RNF220: variants seen among roughly 807,000 people sequenced by gnomAD.
RNF220 encodes the protein ring finger protein 220.
Under a neutral mutation model 67.1 loss-of-function variants are expected in RNF220, and 7 were observed. The observed-to-expected ratio is 0.10, with a 90% CI of 0.06 to 0.20. RNF220 has a LOEUF of 0.20. Among genes scored for constraint, RNF220 ranks in the 10% least tolerant of loss-of-function variants. The pLI is 1.00. For synonymous variants in RNF220, 270 were observed against 283.2 expected (o/e 0.95, Z 0.47); for missense variants, 565 against 740.3 (o/e 0.76, Z 2.75).
intron 2 of RNF220, among the ~76,000 whole-genome samples, chr1:44,610,887 G>A (rs919137525): frequency 1.3e-5 from 2 of 152,148 alleles, no homozygotes; most frequent in East Asian, 1.9e-4. Context: ...CAGCCCCCTC[G>A]TCTTGGCCAT....
chr1:44,651,050 G>A lies in RNF220; in HGVS notation c.*275G>A, dbSNP rs1644775982. On this transcript the variant is annotated 3_prime_UTR_variant, in exon 15 of 15. Transcript: ENST00000361799. ...TCCCAGGGTGGGGCAGGGAGGTGGG[G>A]GTTGGGGGAGTAGTGGGGCACGGCT... 2 of 489,028 alleles carry A rather than the reference G, an allele frequency of 4.1e-6. No individual in the cohort carries two copies. The highest frequency in any genetic ancestry group is 7.6e-6 in the Non-Finnish European group (2 of 263,984). The allele number at this position is 489,028 out of a possible 1,614,324, so 30.3% of individuals were successfully genotyped here.
intron 8 of RNF220, among the ~76,000 whole-genome samples, chr1:44,641,634 T>G (rs1422733379): frequency 2.0e-5 from 3 of 152,226 alleles, no homozygotes; most frequent in Non-Finnish European, 4.4e-5. Flanking sequence ...GCCGTTTCTT[T>G]TTATTATGAT....
chr1:44,584,759 C>T lies in RNF220; in HGVS notation c.626-29406C>T, dbSNP rs187632302. On this transcript the variant is annotated intron_variant, in intron 2 of 14. Coordinates refer to ENST00000361799, the MANE Select transcript of RNF220 (RefSeq NM_018150.4). ...TGTCGCCTAGGCTGGAGTGCAGTGGCGCCATCTCAGCTCGCTGCAACCTCT... is the reference window on the plus strand; with the variant it reads ...TGTCGCCTAGGCTGGAGTGCAGTGGTGCCATCTCAGCTCGCTGCAACCTCT... Among the ~76,000 whole-genome samples the T allele has an allele frequency of 2.6e-4, 39 of 152,302 alleles. 1 individual carries two copies. In the South Asian group the frequency reaches 6.0e-3, roughly 23 times the overall value.
intron 2 of RNF220, among the ~76,000 whole-genome samples, chr1:44,465,617 T>G (rs1359105177): frequency 6.6e-6 from 1 of 152,104 alleles, no homozygotes; most frequent in Non-Finnish European, 1.5e-5. Context: ...TCAAAAAGGT[T>G]TTAATAGTGC....
intron 2 of RNF220, among the ~76,000 whole-genome samples, chr1:44,487,752 C>T (rs950205009): frequency 6.7e-6 from 1 of 149,696 alleles, no homozygotes; most frequent in African/African-American, 2.4e-5. Context: ...TGGTGGCACA[C>T]ACCTGTAATC....
chr1:44,540,198 C>G (rs1295460897), intron 2 of RNF220, among the ~76,000 whole-genome samples: 2 of 152,164 alleles, frequency 1.3e-5, no homozygotes, highest in African/African-American at 2.4e-5. Flanking sequence ...AACCACTGCC[C>G]ACATCTCTTC....
At chr1:44,616,588 A>G (rs1474973536) in intron 3 of RNF220, among the ~76,000 whole-genome samples, 2 of 151,896 alleles carry the variant, frequency 1.3e-5, no homozygotes, top group Non-Finnish European at 1.5e-5. Context: ...ATCACTCCCC[A>G]TCCCTACCCC....
rs111400239 is a variant in RNF220 at position 44,486,558 on chromosome 1, C to T, written c.625+73836C>T. The stretch of plus-strand genomic sequence containing the variant: ...TCTATGGACCCAGGGCCAAATAAAT[C>T]AGGCTGGTTTTTTATCAAAATGGTT... On this transcript the variant is annotated intron_variant, in intron 2 of 14. Transcript: ENST00000361799. Among the ~76,000 whole-genome samples the T allele has an allele frequency of 2.1e-3, 321 of 152,276 alleles. 3 individuals are homozygous for T. The highest frequency in any genetic ancestry group is 7.4e-3 in the African/African-American group (306 of 41,546).
chr1:44,433,883 G>C (rs986811805), intron 2 of RNF220, among the ~76,000 whole-genome samples: 1 of 152,126 alleles, frequency 6.6e-6, no homozygotes, highest in South Asian at 2.1e-4. Context: ...TATTGCTTGA[G>C]CCTGGGAGGC....
chr1:44,517,279 C>T (rs1572742496), intron 2 of RNF220, among the ~76,000 whole-genome samples: 2 of 152,222 alleles, frequency 1.3e-5, no homozygotes, highest in African/African-American at 4.8e-5. Context: ...ATCCTTAACG[C>T]GGCAAGACCT....
chr1:44,627,132 G>A (rs1289406910), intron 5 of RNF220: 2 of 149,948 alleles, frequency 1.3e-5, no homozygotes, highest in African/African-American at 4.9e-5. Context: ...GGATCACGAG[G>A]TCAGCAATTG....
In RNF220 at chr1:44,412,198, C is replaced by G; in HGVS notation, c.101C>G (p.Ala34Gly). The change falls in exon 2 of 15, where the codon GCC becomes GGC. Residue 34 changes from alanine (A) to glycine (G), a missense_variant. Ala to Gly is a moderately conservative substitution (Grantham distance 60). Coordinates refer to ENST00000361799, the MANE Select transcript of RNF220 (RefSeq NM_018150.4). The surrounding 1 kb of genome is among the most constrained non-coding windows in gnomAD (Gnocchi z 5.3). ...ATGGTCCTGGCATCCACGGCTGAGGCCAGCCGTGATGCTTCCATCCCTTGT... is the reference window on the plus strand; with the variant it reads ...ATGGTCCTGGCATCCACGGCTGAGGGCAGCCGTGATGCTTCCATCCCTTGT... ...ALMVLASTAEASRDASIPCQQ... is the reference protein window; with the variant it reads ...ALMVLASTAEGSRDASIPCQQ... 6.2e-7 allele frequency: 1 copy of G among 1,614,198 alleles called. No homozygotes were observed. Among genetic ancestry groups the G allele is most frequent in the Non-Finnish European group, 8.5e-7 (1 of 1,180,024 alleles).
At chr1:44,620,597 A>G (rs1643750635) in intron 3 of RNF220, among the ~76,000 whole-genome samples, 1 of 152,240 alleles carries the variant, frequency 6.6e-6, no homozygotes, top group Non-Finnish European at 1.5e-5. Flanking sequence ...GGCATGAACC[A>G]TTTATGAGCA....
intron 2 of RNF220, among the ~76,000 whole-genome samples, chr1:44,489,182 A>T (rs150935635): frequency 4.7e-4 from 71 of 152,340 alleles, no homozygotes; most frequent in South Asian, 1.7e-3. Context: ...ACACATGAAC[A>T]TGGCATGTTC....
At chr1:44,464,683 A>C (rs914528250) in intron 2 of RNF220, among the ~76,000 whole-genome samples, 3 of 152,212 alleles carry the variant, frequency 2.0e-5, no homozygotes, top group Non-Finnish European at 4.4e-5. Flanking sequence ...TCTCTCATTC[A>C]GTCCTCAACC....
At chr1:44,599,357 G>C (rs1317421943) in intron 2 of RNF220, among the ~76,000 whole-genome samples, 1 of 152,224 alleles carries the variant, frequency 6.6e-6, no homozygotes, top group African/African-American at 2.4e-5. Context: ...CAAAGAGGAA[G>C]CATTGTCTGA....
intron 2 of RNF220, among the ~76,000 whole-genome samples, chr1:44,527,903 G>A (rs140538241): frequency 0.029 from 3,169 of 108,578 alleles, 83 homozygotes; most frequent in Non-Finnish European, 0.038. Flanking sequence ...TCCAGCCTGG[G>A]TGACAGAGCA....
intron 5 of RNF220, among the ~76,000 whole-genome samples, chr1:44,631,570 G>T (rs1031141463): frequency 1.8e-4 from 27 of 152,262 alleles, no homozygotes; most frequent in African/African-American, 6.0e-4. Flanking sequence ...GACATGTTGG[G>T]AGTCCTCTGA....
chr1:44,644,643 G>C, intron 8 of RNF220, 55 bp from the exon 9 acceptor site: 2 of 1,431,724 alleles, frequency 1.4e-6, no homozygotes, highest in Non-Finnish European at 2.0e-6. Flanking sequence ...CAACAGGAGG[G>C]GCACCCTTGG....
Sources: allele counts gnomAD v4.1 joint callset (sites outside exome capture counted in the v4.1 genomes callset), GRCh38; gene constraint gnomAD v4.1.1; non-coding constraint Gnocchi (gnomAD v3.1); transcripts MANE v1.5; gene names NCBI Gene and HGNC (gene_info 2026-07-23, HGNC 2026-07-21).